PPP3R1: variants seen among roughly 807,000 people sequenced by gnomAD.
PPP3R1 encodes protein phosphatase 3 regulatory subunit B, alpha.
A neutral mutation model predicts 22.6 loss-of-function variants in PPP3R1; 5 were observed. That is an observed-to-expected ratio of 0.22 (90% CI 0.12 to 0.46). The LOEUF (loss-of-function observed/expected upper bound fraction) is 0.46, where lower values mean the gene tolerates loss of function less well. Among genes scored for constraint, PPP3R1 ranks in the 20% least tolerant of loss-of-function variants. PPP3R1 has a pLI of 0.99. For missense variants in PPP3R1, 61 were observed against 203.2 expected (o/e 0.30, Z 4.25); for synonymous variants, 56 against 65.2 (o/e 0.86, Z 0.68).
At chr2:68,212,325 C>T (rs1406282030) in intron 2 of PPP3R1, among the ~76,000 whole-genome samples, 2 of 152,210 alleles carry the variant, frequency 1.3e-5, no homozygotes, top group Non-Finnish European at 2.9e-5. Context: ...AGGTGATCCA[C>T]CTACCTTGGC....
At chr2:68,199,710 A>T (rs966485819) in intron 2 of PPP3R1, among the ~76,000 whole-genome samples, 1 of 152,188 alleles carries the variant, frequency 6.6e-6, no homozygotes, top group Non-Finnish European at 1.5e-5. Context: ...ATTACTGAGA[A>T]GATGTTTTTC....
At position 68,252,179 on chromosome 2, in the gene PPP3R1, C is replaced by G; in HGVS notation, c.-52G>C. Reference sequence around the variant, plus strand: ...GGCTCGCTGGCTCGGAGAAGTGTTGCGCTCAGGCTGGCTCGCAGGAAACGG... The same window carrying G: ...GGCTCGCTGGCTCGGAGAAGTGTTGGGCTCAGGCTGGCTCGCAGGAAACGG... On this transcript the variant is annotated 5_prime_UTR_variant, in exon 1 of 6. Transcript: ENST00000234310. 1 of 1,351,302 alleles carries G rather than the reference C, an allele frequency of 7.4e-7. No homozygotes were observed. The highest frequency in any genetic ancestry group is 1.6e-5 in the South Asian group (1 of 61,762). The allele number at this position is 1,351,302 out of a possible 1,614,324, so 83.7% of individuals were successfully genotyped here. A position where few individuals can be genotyped will look rare whatever the true frequency, so the allele number is the denominator to read the frequency against.
chr2:68,188,813 G>C (rs2103722931), intron 2 of PPP3R1, 123 bp from the exon 3 acceptor site: 1 of 735,770 alleles, frequency 1.4e-6, no homozygotes, highest in East Asian at 2.8e-5. Context: ...AAATCTAACA[G>C]TTATCCAATA....
At chr2:68,223,389 C>T (rs1669724203) in intron 1 of PPP3R1, among the ~76,000 whole-genome samples, 4 of 152,170 alleles carry the variant, frequency 2.6e-5, no homozygotes, top group Non-Finnish European at 5.9e-5. Flanking sequence ...GTGCGAGACT[C>T]TGTCTCAAAA....
At chr2:68,203,145 A>C (rs1212646038) in intron 2 of PPP3R1, among the ~76,000 whole-genome samples, 1 of 152,216 alleles carries the variant, frequency 6.6e-6, no homozygotes, top group African/African-American at 2.4e-5. Context: ...AGGTGAATTA[A>C]ATCAGAATTG....
At chr2:68,185,811 A>T (rs1478747557) in intron 5 of PPP3R1, among the ~76,000 whole-genome samples, 10 of 152,186 alleles carry the variant, frequency 6.6e-5, no homozygotes. Context: ...AAAAAGACGC[A>T]GTCTATTCTT....
chr2:68,200,319 C>G (rs1315667938), intron 2 of PPP3R1, among the ~76,000 whole-genome samples: 1 of 152,070 alleles, frequency 6.6e-6, no homozygotes, highest in African/African-American at 2.4e-5. Flanking sequence ...AATATAAATA[C>G]CACATACCAC....
In PPP3R1 at chr2:68,180,883, G is replaced by A; in HGVS notation, c.*80C>T. The A allele has an allele frequency of 7.3e-7, 1 of 1,368,926 alleles. No individual in the cohort carries two copies. The highest frequency in any genetic ancestry group is 1.0e-6 in the Non-Finnish European group (1 of 967,616). The allele number at this position is 1,368,926 out of a possible 1,614,324, so 84.8% of individuals were successfully genotyped here. A position where few individuals can be genotyped will look rare whatever the true frequency, so the allele number is the denominator to read the frequency against. On this transcript the variant is annotated 3_prime_UTR_variant, in exon 6 of 6. Coordinates refer to ENST00000234310, the MANE Select transcript of PPP3R1 (RefSeq NM_000945.4). ...AAATACTTCCATTTAAATACACAGAGAGCATTGCTGGACGTCTTGAGCAGA... is the reference window on the plus strand; with the variant it reads ...AAATACTTCCATTTAAATACACAGAAAGCATTGCTGGACGTCTTGAGCAGA...
chr2:68,223,884 T>G (rs564200377), intron 1 of PPP3R1, among the ~76,000 whole-genome samples: 1 of 150,172 alleles, frequency 6.7e-6, no homozygotes, highest in Non-Finnish European at 1.5e-5. Context: ...TAATTGTGTA[T>G]GTACATAAAT....
At chr2:68,196,024 G>T (rs1158843496) in intron 2 of PPP3R1, among the ~76,000 whole-genome samples, 1 of 151,902 alleles carries the variant, frequency 6.6e-6, no homozygotes, top group South Asian at 2.1e-4. Context: ...CCATATTATA[G>T]GATGAGAACT....
intron 1 of PPP3R1, among the ~76,000 whole-genome samples, chr2:68,218,803 C>A (rs530490026): frequency 6.6e-6 from 1 of 151,606 alleles, no homozygotes; most frequent in East Asian, 1.9e-4. Flanking sequence ...TGGTTTCAAG[C>A]AGGATTTTAA....
intron 1 of PPP3R1, among the ~76,000 whole-genome samples, chr2:68,217,927 T>C (rs899430831): frequency 2.6e-5 from 4 of 152,098 alleles, no homozygotes; most frequent in African/African-American, 9.7e-5. Flanking sequence ...AGGTCAAATA[T>C]CTGCTGGAAG....
intron 1 of PPP3R1, among the ~76,000 whole-genome samples, chr2:68,229,559 T>A (rs1003538377): frequency 1.3e-5 from 2 of 152,184 alleles, no homozygotes; most frequent in African/African-American, 4.8e-5. Context: ...TTTTTTCATA[T>A]ATTTTGCAGT....
intron 1 of PPP3R1, among the ~76,000 whole-genome samples, chr2:68,224,287 T>C (rs915972590): frequency 1.3e-5 from 2 of 152,182 alleles, no homozygotes; most frequent in African/African-American, 2.4e-5. Context: ...AAAATTCATA[T>C]GGAGATGCAA....
intron 1 of PPP3R1, among the ~76,000 whole-genome samples, chr2:68,240,574 T>C (rs948331579): frequency 1.3e-5 from 2 of 152,202 alleles, no homozygotes; most frequent in East Asian, 1.9e-4. Flanking sequence ...GAGTGTAACA[T>C]AGAACATGAC....
intron 2 of PPP3R1, among the ~76,000 whole-genome samples, chr2:68,214,135 C>T (rs988446004): frequency 6.6e-6 from 1 of 152,120 alleles, no homozygotes; most frequent in African/African-American, 2.4e-5. Context: ...ATATACAAAT[C>T]AACTCAAGGT....
At chr2:68,245,270 G>A (rs1167301799) in intron 1 of PPP3R1, among the ~76,000 whole-genome samples, 1 of 152,132 alleles carries the variant, frequency 6.6e-6, no homozygotes, top group Non-Finnish European at 1.5e-5. Context: ...GCTGAGGAGG[G>A]AGGATGGCTT....
intron 2 of PPP3R1, among the ~76,000 whole-genome samples, chr2:68,190,380 C>T (rs1394469249): frequency 1.3e-5 from 2 of 151,458 alleles, no homozygotes; most frequent in African/African-American, 2.4e-5. Context: ...GCCTGGCCAA[C>T]GTGGTGAAAC....
At chr2:68,248,552 G>C (rs1670280376) in intron 1 of PPP3R1, among the ~76,000 whole-genome samples, 1 of 152,156 alleles carries the variant, frequency 6.6e-6, no homozygotes, top group Admixed American at 6.5e-5. Context: ...TAAAACTTAA[G>C]ACTGCTTGGC....
Sources: allele counts gnomAD v4.1 joint callset (sites outside exome capture counted in the v4.1 genomes callset), GRCh38; gene constraint gnomAD v4.1.1; transcripts MANE v1.5; gene names NCBI Gene and HGNC (gene_info 2026-07-23, HGNC 2026-07-21).